GMDS: variants seen among roughly 807,000 people sequenced by gnomAD.
The protein encoded by GMDS is GDP-mannose 4,6-dehydratase.
GMDS carries 20 observed loss-of-function variants against 49.9 expected under a neutral mutation model. The ratio of observed to expected loss-of-function variants is 0.40; its 90% CI spans 0.28 to 0.58. The LOEUF is 0.58. Among genes scored for constraint, GMDS ranks in the 20% least tolerant of loss-of-function variants. The probability of loss-of-function intolerance (pLI) is 0.42; values close to 1 mark genes in which losing one functional copy is unlikely to be tolerated. For missense variants in GMDS, 362 were observed against 481.4 expected (o/e 0.75, Z 2.32); for synonymous variants, 177 against 178.6 (o/e 0.99, Z 0.07).
chr6:2,014,275 TA>T (rs895530059), intron 4 of GMDS, among the ~76,000 whole-genome samples: 12 of 148,990 alleles, frequency 8.1e-5, no homozygotes, highest in African/African-American at 2.7e-4. Flanking sequence ...ACAACAACCA[TA>T]AAAAAAAAGA....
At chr6:1,911,747 A>G (rs1218496717) in intron 7 of GMDS, among the ~76,000 whole-genome samples, 2 of 152,200 alleles carry the variant, frequency 1.3e-5, no homozygotes, top group Non-Finnish European at 2.9e-5. Flanking sequence ...AAGGATTTAA[A>G]TGTTCCTCAT....
intron 7 of GMDS, among the ~76,000 whole-genome samples, chr6:1,888,230 T>C (rs1207793534): frequency 1.3e-5 from 2 of 151,780 alleles, no homozygotes; most frequent in African/African-American, 4.8e-5. Flanking sequence ...TATTAGTATG[T>C]TTTCACACTG....
At chr6:1,996,163 C>A (rs1007782008) in intron 4 of GMDS, among the ~76,000 whole-genome samples, 6 of 150,492 alleles carry the variant, frequency 4.0e-5, no homozygotes, top group African/African-American at 7.4e-5. Context: ...TTCCTTCCTC[C>A]TTCCTCTTTC....
chr6:1,910,638 C>A (rs1053560273), intron 7 of GMDS, among the ~76,000 whole-genome samples: 2 of 151,996 alleles, frequency 1.3e-5, no homozygotes, highest in Non-Finnish European at 2.9e-5. Context: ...GGCTGAGGAC[C>A]CAACATACAG....
At chr6:2,057,227 T>C (rs1386904348) in intron 4 of GMDS, among the ~76,000 whole-genome samples, 2 of 152,126 alleles carry the variant, frequency 1.3e-5, no homozygotes, top group Non-Finnish European at 2.9e-5. Context: ...TTCTTCTGTG[T>C]TTATCTCACC....
intron 1 of GMDS, among the ~76,000 whole-genome samples, chr6:2,234,067 T>C (rs1033203562): frequency 6.6e-6 from 1 of 152,216 alleles, no homozygotes. Context: ...AGTCTTGTCC[T>C]CATGGATTTA....
rs532007418 is a variant in GMDS, at chr6:1,885,908, C to T, written c.771+44195G>A. Reference sequence around the variant, plus strand: ...AGTCTTCTGAACTCACCAGGCTGCACTGACACAGACTGAGTGGTTCCCAGA... The same window carrying T: ...AGTCTTCTGAACTCACCAGGCTGCATTGACACAGACTGAGTGGTTCCCAGA... On this transcript the variant is annotated intron_variant, in intron 7 of 10. Transcript: ENST00000380815. Among the ~76,000 whole-genome samples, 13 of 152,294 alleles carry T rather than the reference C, an allele frequency of 8.5e-5. No individual in the cohort carries two copies. The South Asian group carries it at 2.7e-3, about 32-fold the overall frequency.
At chr6:1,914,432 A>G (rs1204209416) in intron 7 of GMDS, among the ~76,000 whole-genome samples, 1 of 149,736 alleles carries the variant, frequency 6.7e-6, no homozygotes. Context: ...GCACCACTGC[A>G]CTCCAGCCTG....
At chr6:1,913,958 G>C (rs907633347) in intron 7 of GMDS, among the ~76,000 whole-genome samples, 1 of 152,028 alleles carries the variant, frequency 6.6e-6, no homozygotes, top group East Asian at 1.9e-4. Flanking sequence ...GATGTACGGG[G>C]GGAAAGGAAA....
chr6:1,641,638 C>A (rs1240363462), intron 9 of GMDS, among the ~76,000 whole-genome samples: 1 of 152,168 alleles, frequency 6.6e-6, no homozygotes, highest in African/African-American at 2.4e-5. Flanking sequence ...CAGGAGCGCT[C>A]CATTCTGCTG....
chr6:1,972,574 G>C (rs1350499123), intron 4 of GMDS, among the ~76,000 whole-genome samples: 1 of 152,210 alleles, frequency 6.6e-6, no homozygotes, highest in Non-Finnish European at 1.5e-5. Flanking sequence ...AAACTCAGGA[G>C]AGCACACAGA....
intron 7 of GMDS, among the ~76,000 whole-genome samples, chr6:1,852,700 C>T (rs1008846386): frequency 4.0e-5 from 6 of 151,324 alleles, no homozygotes; most frequent in Admixed American, 2.6e-4. Flanking sequence ...GACGGTGGGA[C>T]GTGGGATCCG....
chr6:1,845,967 A>G (rs1757388666), intron 7 of GMDS, among the ~76,000 whole-genome samples: 1 of 151,830 alleles, frequency 6.6e-6, no homozygotes, highest in South Asian at 2.1e-4. Flanking sequence ...GACATAGTGG[A>G]GTAGCATTGA....
chr6:1,973,599 C>G (rs937733733), intron 4 of GMDS, among the ~76,000 whole-genome samples: 3 of 152,096 alleles, frequency 2.0e-5, no homozygotes, highest in Non-Finnish European at 4.4e-5. Flanking sequence ...AAAGTCACTT[C>G]AGCTGCATAT....
Position 2,038,960 on chromosome 6 carries a change from C to T in GMDS, c.345+76811G>A, listed in dbSNP as rs1349825426. Among the ~76,000 whole-genome samples, 9 of 152,226 alleles carry T rather than the reference C, an allele frequency of 5.9e-5. No individual in the cohort carries two copies. In the East Asian group the frequency reaches 7.7e-4, roughly 13 times the overall value. On this transcript the variant is annotated intron_variant, in intron 4 of 10. Transcript: ENST00000380815. ...CATACAGCCATGTATCACATAACAG[C>T]GGGGATACATTCTGAGAAATGTGTC...
chr6:2,044,587 A>C (rs1271020495), intron 4 of GMDS, among the ~76,000 whole-genome samples: 2 of 152,200 alleles, frequency 1.3e-5, no homozygotes, highest in East Asian at 3.8e-4. Flanking sequence ...GAGGAGGGAG[A>C]AGATCAGGAA....
chr6:1,833,386 T>C lies in GMDS; in HGVS notation c.772-90800A>G, dbSNP rs1308944043. On this transcript the variant is annotated intron_variant, in intron 7 of 10. Transcript: ENST00000380815. The surrounding 1 kb of genome is among the most constrained non-coding windows in gnomAD (Gnocchi z 4.4). Reference sequence around the variant, plus strand: ...GGATAAAACATGAGAACAGCATCTGTCCTCAGAGACCAAGCAGAGTGATTC... The same window carrying C: ...GGATAAAACATGAGAACAGCATCTGCCCTCAGAGACCAAGCAGAGTGATTC... Among the ~76,000 whole-genome samples, 1 of 151,654 alleles carries C rather than the reference T, an allele frequency of 6.6e-6. No homozygotes were observed. The highest frequency in any genetic ancestry group is 1.5e-5 in the Non-Finnish European group (1 of 67,940).
intron 6 of GMDS, among the ~76,000 whole-genome samples, chr6:1,935,535 G>A (rs549745882): frequency 6.6e-6 from 1 of 152,204 alleles, no homozygotes; most frequent in Non-Finnish European, 1.5e-5. Flanking sequence ...ATTAATAGAT[G>A]ACTACATCTC....
At chr6:2,189,240 G>C (rs745674108) in intron 1 of GMDS, among the ~76,000 whole-genome samples, 6 of 152,142 alleles carry the variant, frequency 3.9e-5, no homozygotes, top group Non-Finnish European at 8.8e-5. Context: ...CTGGTGTTTT[G>C]AGTCTGGGTT....
Sources: gnomAD v4.1 joint callset for allele counts (sites outside exome capture counted in the v4.1 genomes callset) on GRCh38, gnomAD v4.1.1 for gene constraint, Gnocchi (gnomAD v3.1) non-coding constraint, MANE v1.5 for transcripts, NCBI Gene and HGNC (gene_info 2026-07-23, HGNC 2026-07-21) for gene names.